The following NXPE2 variants were observed in gnomAD, a reference collection of about 807,000 sequenced individuals.
NXPE2 encodes NXPE family member 2.
A neutral mutation model predicts 34.4 loss-of-function variants in NXPE2; 34 were observed. That is an observed-to-expected ratio of 0.99 (90% CI 0.75 to 1.31). The LOEUF (loss-of-function observed/expected upper bound fraction) is 1.31. Among genes scored for constraint, NXPE2 ranks in the 40% most tolerant of loss-of-function variants. The probability of loss-of-function intolerance (pLI) is 0.00; values close to 1 mark genes in which losing one functional copy is unlikely to be tolerated. For synonymous variants in NXPE2, 235 were observed against 231.3 expected (o/e 1.02, Z -0.15); for missense variants, 649 against 672.5 (o/e 0.97, Z 0.39).
At chr11:114,693,702 C>T (rs779781519) in intron 2 of NXPE2, among the ~76,000 whole-genome samples, 4 of 152,038 alleles carry the variant, frequency 2.6e-5, no homozygotes, top group Non-Finnish European at 5.9e-5. Flanking sequence ...TTTAAAATAT[C>T]TAGGATATGA....
chr11:114,807,932 C>G, the NXPE2 span, among the ~76,000 whole-genome samples: 3 of 151,570 alleles, frequency 2.0e-5, no homozygotes, highest in Non-Finnish European at 4.4e-5. Context: ...AAATTGACCA[C>G]ATAGTTGGAA....
At chr11:114,689,319 T>G (rs1238731306) in intron 2 of NXPE2, among the ~76,000 whole-genome samples, 2 of 152,136 alleles carry the variant, frequency 1.3e-5, no homozygotes, top group Non-Finnish European at 2.9e-5. Flanking sequence ...TTTTAAAATT[T>G]CTGCCTTAGT....
At chr11:114,577,585 T>C in the NXPE2 span, among the ~76,000 whole-genome samples, 1 of 152,116 alleles carries the variant, frequency 6.6e-6, no homozygotes, top group Admixed American at 6.6e-5. Context: ...GTTATGTAAA[T>C]GTGAAAGATT....
chr11:114,691,095 A>C (rs1951140491), intron 2 of NXPE2, among the ~76,000 whole-genome samples: 1 of 152,040 alleles, frequency 6.6e-6, no homozygotes, highest in Admixed American at 6.6e-5. Context: ...CATTCTAGTT[A>C]ATATACATTG....
At chr11:114,755,068 G>A in the NXPE2 span, among the ~76,000 whole-genome samples, 1 of 152,180 alleles carries the variant, frequency 6.6e-6, no homozygotes, top group African/African-American at 2.4e-5. Flanking sequence ...TAAGGTATGA[G>A]CCTGACTGAA....
chr11:114,530,612 C>A, the NXPE2 span: 1 of 1,614,154 alleles, frequency 6.2e-7, no homozygotes, highest in South Asian at 1.1e-5. Flanking sequence ...CACCATATTG[C>A]TTCCTCTGTC....
chr11:114,764,209 G>A, the NXPE2 span, among the ~76,000 whole-genome samples: 1 of 152,114 alleles, frequency 6.6e-6, no homozygotes, highest in Non-Finnish European at 1.5e-5. Flanking sequence ...TCATAAATGG[G>A]GGTTTGGGGA....
At chr11:114,606,803 T>A in the NXPE2 span, among the ~76,000 whole-genome samples, 1 of 151,138 alleles carries the variant, frequency 6.6e-6, no homozygotes, top group Non-Finnish European at 1.5e-5. Context: ...GTATTGCTTG[T>A]AGGGTAACCA....
chr11:114,557,673 A>AT, the NXPE2 span, among the ~76,000 whole-genome samples: 20 of 123,904 alleles, frequency 1.6e-4, no homozygotes, highest in African/African-American at 4.9e-4. Context: ...ATATATATAT[A>AT]AAATCCTTGT....
the NXPE2 span, among the ~76,000 whole-genome samples, chr11:114,773,308 A>G: frequency 2.4e-5 from 2 of 83,006 alleles, no homozygotes; most frequent in East Asian, 3.9e-4. Context: ...CTGGGCACTC[A>G]TAGCTCTTCC....
the NXPE2 span, among the ~76,000 whole-genome samples, chr11:114,601,867 ATATATATTATATATAAT>A: frequency 5.1e-4 from 2 of 3,904 alleles, no homozygotes; most frequent in South Asian, 0.022. Flanking sequence ...ATATACAATT[ATATATATTATATATAAT>A]TATATATTAT....
At chr11:114,725,932 C>T in the NXPE2 span, among the ~76,000 whole-genome samples, 1 of 137,160 alleles carries the variant, frequency 7.3e-6, no homozygotes, top group African/African-American at 2.7e-5. Context: ...ACAGAGAGAT[C>T]TCAAGACCAA....
At chr11:114,677,184 G>A (rs1304151886), upstream of NXPE2, among the ~76,000 whole-genome samples, 2 of 151,986 alleles carry the variant, frequency 1.3e-5, no homozygotes, top group Non-Finnish European at 2.9e-5. Context: ...GGATGAATAA[G>A]TTCTAGAGAT....
the NXPE2 span, among the ~76,000 whole-genome samples, chr11:114,565,261 T>A: frequency 1.3e-5 from 2 of 152,202 alleles, no homozygotes; most frequent in Non-Finnish European, 2.9e-5. Flanking sequence ...ATTTTGGATA[T>A]ATTCTCCTAA....
chr11:114,785,980 A>C, the NXPE2 span, among the ~76,000 whole-genome samples: 6 of 152,206 alleles, frequency 3.9e-5, no homozygotes, highest in Non-Finnish European at 5.9e-5. Flanking sequence ...ATAGTGTAAA[A>C]AAAAGAAGAC....
At chr11:114,499,995 C>T in the NXPE2 span, among the ~76,000 whole-genome samples, 1 of 151,404 alleles carries the variant, frequency 6.6e-6, no homozygotes, top group Admixed American at 6.6e-5. Flanking sequence ...CATGGTATGA[C>T]TATACCACAA....
At chr11:114,535,754 C>A in the NXPE2 span, among the ~76,000 whole-genome samples, 1 of 152,098 alleles carries the variant, frequency 6.6e-6, no homozygotes, top group Admixed American at 6.5e-5. Flanking sequence ...TATATGCACC[C>A]AATACAGGAG....
the NXPE2 span, among the ~76,000 whole-genome samples, chr11:114,761,856 G>A: frequency 6.6e-6 from 1 of 151,274 alleles, no homozygotes; most frequent in Non-Finnish European, 1.5e-5. Flanking sequence ...TTACAGGCGT[G>A]AGCCACCGCG....
the NXPE2 span, among the ~76,000 whole-genome samples, chr11:114,607,627 T>A: frequency 6.6e-6 from 1 of 151,646 alleles, no homozygotes; most frequent in Non-Finnish European, 1.5e-5. Flanking sequence ...ACCCGGTGGA[T>A]AAGTGTTGCC....
Sources: gnomAD v4.1 joint callset for allele counts (sites outside exome capture counted in the v4.1 genomes callset) on GRCh38, gnomAD v4.1.1 for gene constraint, MANE v1.5 for transcripts, NCBI Gene and HGNC (gene_info 2026-07-23, HGNC 2026-07-21) for gene names.